ADAMTS12: variants seen among roughly 807,000 people sequenced by gnomAD.
ADAMTS12 encodes the protein ADAM metallopeptidase with thrombospondin type 1 motif 12.
A neutral mutation model predicts 167.8 loss-of-function variants in ADAMTS12; 118 were observed. That is an observed-to-expected ratio of 0.70 (90% CI 0.61 to 0.82). The LOEUF (loss-of-function observed/expected upper bound fraction) is 0.82, where lower values mean the gene tolerates loss of function less well. Among genes scored for constraint, ADAMTS12 ranks in the 40% least tolerant of loss-of-function variants. The pLI is 0.00. For synonymous variants in ADAMTS12, 704 were observed against 716.9 expected (o/e 0.98, Z 0.29); for missense variants, 1,916 against 1,998.8 (o/e 0.96, Z 0.79).
chr5:33,736,659 C>T (rs1023639759), intron 3 of ADAMTS12, among the ~76,000 whole-genome samples: 28 of 152,220 alleles, frequency 1.8e-4, no homozygotes, highest in African/African-American at 6.8e-4. Context: ...TGCCTGACCA[C>T]TGTCGGGTTT....
chr5:33,861,505 C>T (rs1407022938), intron 2 of ADAMTS12, among the ~76,000 whole-genome samples: 1 of 152,178 alleles, frequency 6.6e-6, no homozygotes, highest in Non-Finnish European at 1.5e-5. Flanking sequence ...GCACCCAATA[C>T]AGCAACACCC....
At chr5:33,862,636 T>C (rs1383494441) in intron 2 of ADAMTS12, among the ~76,000 whole-genome samples, 2 of 152,054 alleles carry the variant, frequency 1.3e-5, no homozygotes, top group Non-Finnish European at 2.9e-5. Context: ...TGGTAGCACA[T>C]TTTCTGAAAC....
At chr5:33,663,275 C>T (rs746811201) in intron 5 of ADAMTS12, among the ~76,000 whole-genome samples, 9 of 152,124 alleles carry the variant, frequency 5.9e-5, no homozygotes, top group Admixed American at 1.3e-4. Context: ...TTCTGGGGGA[C>T]GAGCTGGGAA....
intron 2 of ADAMTS12, among the ~76,000 whole-genome samples, chr5:33,872,862 T>C (rs1187858779): frequency 6.6e-6 from 1 of 152,160 alleles, no homozygotes; most frequent in Non-Finnish European, 1.5e-5. Context: ...ATCATACCTA[T>C]AGATGGAGGA....
At chr5:33,724,707 G>A (rs1477096006) in intron 3 of ADAMTS12, among the ~76,000 whole-genome samples, 1 of 151,788 alleles carries the variant, frequency 6.6e-6, no homozygotes, top group African/African-American at 2.4e-5. Context: ...GCCCGCCACC[G>A]TGCCCGGCTA....
intron 12 of ADAMTS12, among the ~76,000 whole-genome samples, chr5:33,636,631 T>A (rs1406214544): frequency 6.6e-6 from 1 of 152,188 alleles, no homozygotes; most frequent in East Asian, 1.9e-4. Context: ...AAATACACAA[T>A]TCTCAAATCT....
intron 20 of ADAMTS12, among the ~76,000 whole-genome samples, chr5:33,553,158 CAAT>C (rs1162000120): frequency 6.6e-6 from 1 of 152,068 alleles, no homozygotes; most frequent in African/African-American, 2.4e-5. Flanking sequence ...ATCAAAACCA[CAAT>C]GAGATACCAT....
At chr5:33,637,876 C>T (rs1740271149) in intron 11 of ADAMTS12, 130 bp from the exon 12 acceptor site, 5 of 939,830 alleles carry the variant, frequency 5.3e-6, no homozygotes, top group Admixed American at 3.0e-5. Context: ...TTTTAAATAA[C>T]TGCTTCAAAT....
intron 2 of ADAMTS12, among the ~76,000 whole-genome samples, chr5:33,852,689 T>C (rs1430902344): frequency 6.6e-6 from 1 of 152,164 alleles, no homozygotes; most frequent in Non-Finnish European, 1.5e-5. Context: ...TGAAATTCAC[T>C]CTATTAAAGT....
chr5:33,586,786 C>T (rs547838834), intron 18 of ADAMTS12, among the ~76,000 whole-genome samples: 1 of 152,274 alleles, frequency 6.6e-6, no homozygotes, highest in East Asian at 1.9e-4. Context: ...ACCTAGGTTG[C>T]AGTGGACTAA....
intron 6 of ADAMTS12, 33 bp downstream of exon 6, chr5:33,661,883 C>A: frequency 1.2e-6 from 2 of 1,611,628 alleles, no homozygotes; most frequent in South Asian, 2.2e-5. Context: ...CCCTGCTTTA[C>A]TGCCCCTGGG....
rs61753558 is a variant in ADAMTS12 at position 33,643,454 on chromosome 5, A to G, written c.1496T>C (p.Leu499Pro). The change falls in exon 10 of 24, where the codon CTG becomes CCG. Residue 499 changes from leucine (L) to proline (P), a missense_variant. Leu to Pro is a moderately conservative substitution (Grantham distance 98). Transcript: ENST00000504830. ...ACAAAAGCCCTTCACGGAGCACCACAGTGTCTGGCAGACGTTCTAGAAAAC... is the reference window on the plus strand; with the variant it reads ...ACAAAAGCCCTTCACGGAGCACCACGGTGTCTGGCAGACGTTCTAGAAAAC... Reference protein sequence around the residue: ...CQEVENVCQTLWCSVKGFCRS... With the variant: ...CQEVENVCQTPWCSVKGFCRS... 2.5e-5 allele frequency: 40 copies of G among 1,614,080 alleles called. No individual in the cohort carries two copies. The South Asian group carries it at 4.3e-4, about 17-fold the overall frequency.
intron 2 of ADAMTS12, among the ~76,000 whole-genome samples, chr5:33,868,323 G>T (rs1041794730): frequency 6.6e-6 from 1 of 152,190 alleles, no homozygotes; most frequent in Non-Finnish European, 1.5e-5. Flanking sequence ...GAGAAAGGAA[G>T]ATGAGGAAAA....
At chr5:33,738,699 C>T (rs1001409166) in intron 3 of ADAMTS12, among the ~76,000 whole-genome samples, 6 of 152,226 alleles carry the variant, frequency 3.9e-5, no homozygotes, top group East Asian at 1.9e-4. Flanking sequence ...GTTTCCACAT[C>T]GCAGCACTGT....
At chr5:33,858,847 A>C (rs906665153) in intron 2 of ADAMTS12, among the ~76,000 whole-genome samples, 25 of 152,058 alleles carry the variant, frequency 1.6e-4, no homozygotes, top group African/African-American at 6.0e-4. Context: ...CAGTGAGTGC[A>C]GCCCACAGAA....
At chr5:33,854,515 T>C (rs1306904470) in intron 2 of ADAMTS12, among the ~76,000 whole-genome samples, 1 of 152,162 alleles carries the variant, frequency 6.6e-6, no homozygotes, top group African/African-American at 2.4e-5. Flanking sequence ...CAGAGATCAT[T>C]CTCCATTCCT....
At chr5:33,832,000 C>T (rs1271090805) in intron 2 of ADAMTS12, among the ~76,000 whole-genome samples, 3 of 152,198 alleles carry the variant, frequency 2.0e-5, no homozygotes, top group African/African-American at 7.2e-5. Flanking sequence ...TGCAAGGTAG[C>T]TGGTACCAAG....
At chr5:33,838,647 G>A (rs750444509) in intron 2 of ADAMTS12, among the ~76,000 whole-genome samples, 4 of 152,130 alleles carry the variant, frequency 2.6e-5, no homozygotes, top group Admixed American at 6.5e-5. Context: ...GTGCCACTGC[G>A]CTCCAGCCTG....
intron 19 of ADAMTS12, among the ~76,000 whole-genome samples, chr5:33,573,297 T>A (rs199860543): frequency 7.9e-4 from 116 of 146,878 alleles, no homozygotes; most frequent in African/African-American, 1.3e-3. Flanking sequence ...ACCAAGTCAA[T>A]CCTAAGCCAA....
Sources: gnomAD v4.1 joint callset for allele counts (sites outside exome capture counted in the v4.1 genomes callset) on GRCh38, gnomAD v4.1.1 for gene constraint, MANE v1.5 for transcripts, NCBI Gene and HGNC (gene_info 2026-07-23, HGNC 2026-07-21) for gene names.